The following DLG2 variants were observed in gnomAD, a reference collection of about 807,000 sequenced individuals.
DLG2 encodes the protein disks large homolog 2.
Under a neutral mutation model 132.5 loss-of-function variants are expected in DLG2, and 45 were observed. That is an observed-to-expected ratio of 0.34 (90% CI 0.27 to 0.44). The LOEUF is 0.44. Among genes scored for constraint, DLG2 ranks in the 20% least tolerant of loss-of-function variants. DLG2 has a pLI of 1.00. For missense variants in DLG2, 1,045 were observed against 1,196.9 expected (o/e 0.87, Z 1.87); for synonymous variants, 424 against 419.6 (o/e 1.01, Z -0.13).
intron 18 of DLG2, among the ~76,000 whole-genome samples, chr11:83,666,796 C>T (rs191121388): frequency 9.1e-4 from 139 of 152,336 alleles, no homozygotes; most frequent in South Asian, 8.7e-3. Flanking sequence ...CCCAAAGTCA[C>T]AATGCTGGTA....
chr11:84,535,798 T>C (rs1217597635), intron 6 of DLG2, among the ~76,000 whole-genome samples: 1 of 152,150 alleles, frequency 6.6e-6, no homozygotes. Flanking sequence ...AAGTGTTAGT[T>C]TGCTTTACTT....
At chr11:84,005,812 C>A in intron 11 of DLG2, among the ~76,000 whole-genome samples, 1 of 151,702 alleles carries the variant, frequency 6.6e-6, no homozygotes, top group Non-Finnish European at 1.5e-5. Context: ...ATTAAAAAGA[C>A]AAAAAATAAC....
intron 3 of DLG2, among the ~76,000 whole-genome samples, chr11:85,420,164 T>A (rs2090178804): frequency 6.6e-6 from 1 of 152,248 alleles, no homozygotes; most frequent in Non-Finnish European, 1.5e-5. Context: ...TTCTGTTTTT[T>A]AGTTTTCCTT....
intron 19 of DLG2, among the ~76,000 whole-genome samples, chr11:83,583,299 G>C (rs1836605627): frequency 6.6e-6 from 1 of 152,192 alleles, no homozygotes. Flanking sequence ...CTCCAGAGAA[G>C]GCTGCCCTCT....
chr11:84,734,551 G>C (rs190274218), intron 6 of DLG2, among the ~76,000 whole-genome samples: 1 of 152,134 alleles, frequency 6.6e-6, no homozygotes, highest in African/African-American at 2.4e-5. Flanking sequence ...AGACGATGGG[G>C]TTTTCTAGAT....
intron 3 of DLG2, among the ~76,000 whole-genome samples, chr11:85,468,896 A>G (rs1159816461): frequency 6.6e-6 from 1 of 152,114 alleles, no homozygotes; most frequent in Non-Finnish European, 1.5e-5. Context: ...GGGCTCAAGC[A>G]ATTCTTCCGC....
chr11:83,802,253 A>G (rs185665300), intron 17 of DLG2, among the ~76,000 whole-genome samples: 2 of 152,198 alleles, frequency 1.3e-5, no homozygotes, highest in Non-Finnish European at 2.9e-5. Flanking sequence ...CCTCCACTTC[A>G]TCCAAGCCTC....
intron 4 of DLG2, among the ~76,000 whole-genome samples, chr11:85,282,387 A>AT (rs1402647581): frequency 1.3e-5 from 2 of 151,954 alleles, no homozygotes; most frequent in African/African-American, 4.8e-5. Context: ...GAAATGATAA[A>AT]TGCTTGAGGT....
At chr11:84,866,746 A>G (rs1029876895) in intron 6 of DLG2, among the ~76,000 whole-genome samples, 6 of 152,236 alleles carry the variant, frequency 3.9e-5, no homozygotes, top group Non-Finnish European at 8.8e-5. Flanking sequence ...TCTTTATTAT[A>G]ATCCTATGCG....
At chr11:84,965,722 T>C (rs1040901317) in intron 6 of DLG2, among the ~76,000 whole-genome samples, 2 of 151,936 alleles carry the variant, frequency 1.3e-5, no homozygotes, top group African/African-American at 4.8e-5. Flanking sequence ...TTACTAGAGG[T>C]AGTCTCTCCA....
At chr11:83,620,214 A>G (rs1057323205) in intron 19 of DLG2, among the ~76,000 whole-genome samples, 2 of 152,150 alleles carry the variant, frequency 1.3e-5, no homozygotes, top group Admixed American at 6.5e-5. Flanking sequence ...TAGAATATAC[A>G]ATGTTATAAA....
intron 6 of DLG2, among the ~76,000 whole-genome samples, chr11:84,584,870 A>C: frequency 6.7e-6 from 1 of 150,238 alleles, no homozygotes; most frequent in African/African-American, 2.5e-5. Flanking sequence ...TTGTATTTTT[A>C]GTAGAGACGG....
chr11:85,337,243 ATTCTTT>A (rs764178654), intron 3 of DLG2, among the ~76,000 whole-genome samples: 28 of 152,134 alleles, frequency 1.8e-4, no homozygotes, highest in Non-Finnish European at 3.5e-4. Flanking sequence ...AAATATTTTA[ATTCTTT>A]TTCTTTTTCT....
intron 15 of DLG2, among the ~76,000 whole-genome samples, chr11:83,887,450 A>G (rs1157159477): frequency 6.6e-6 from 1 of 152,090 alleles, no homozygotes; most frequent in Non-Finnish European, 1.5e-5. Flanking sequence ...AATTGTGGCA[A>G]TAATCAATAG....
intron 9 of DLG2, among the ~76,000 whole-genome samples, chr11:84,134,690 ATCTG>A (rs1300107390): frequency 1.3e-5 from 1 of 75,568 alleles, no homozygotes; most frequent in Admixed American, 1.4e-4. Flanking sequence ...CTCTTTTGTT[ATCTG>A]TGTGTGTGTG....
chr11:85,405,646 A>T (rs1269480613), intron 3 of DLG2, among the ~76,000 whole-genome samples: 1 of 152,010 alleles, frequency 6.6e-6, no homozygotes, highest in Non-Finnish European at 1.5e-5. Flanking sequence ...TTCCCATTTT[A>T]CAGATTAGAA....
At chr11:84,306,515 C>T (rs1433536666) in intron 7 of DLG2, among the ~76,000 whole-genome samples, 1 of 152,142 alleles carries the variant, frequency 6.6e-6, no homozygotes, top group African/African-American at 2.4e-5. Context: ...CCTTGATTTT[C>T]GCGGAGTTAT....
In DLG2 at chr11:85,571,936, T is replaced by C. The variant is rs143444168; in HGVS notation, c.40+26721A>G. Among the ~76,000 whole-genome samples, 550 of 152,308 alleles carry C rather than the reference T, an allele frequency of 3.6e-3. 4 individuals carry two copies. Among genetic ancestry groups the C allele is most frequent in the African/African-American group, 0.012 (487 of 41,562 alleles). On this transcript the variant is annotated intron_variant, in intron 3 of 27. Transcript: ENST00000376104. Reference sequence around the variant, plus strand: ...ATATATTTATCTGTTTTAATAGATATACCCGTAGCAGAAATGCAGGTTTTA... The same window carrying C: ...ATATATTTATCTGTTTTAATAGATACACCCGTAGCAGAAATGCAGGTTTTA...
intron 18 of DLG2, among the ~76,000 whole-genome samples, chr11:83,634,424 C>T (rs2064266225): frequency 6.6e-6 from 1 of 152,028 alleles, no homozygotes; most frequent in Non-Finnish European, 1.5e-5. Context: ...CTATCATTTC[C>T]TTGGCAAAAC....
Sources: allele counts gnomAD v4.1 joint callset (sites outside exome capture counted in the v4.1 genomes callset), GRCh38; gene constraint gnomAD v4.1.1; transcripts MANE v1.5; gene names NCBI Gene and HGNC (gene_info 2026-07-23, HGNC 2026-07-21).